CCSER1: variants seen among roughly 807,000 people sequenced by gnomAD.
CCSER1 encodes coiled-coil serine rich protein 1.
Under a neutral mutation model 82.0 loss-of-function variants are expected in CCSER1, and 41 were observed. That is an observed-to-expected ratio of 0.50 (90% CI 0.39 to 0.65). The LOEUF is 0.65. Among genes scored for constraint, CCSER1 ranks in the 30% least tolerant of loss-of-function variants. The probability of loss-of-function intolerance (pLI) is 0.00; values close to 1 mark genes in which losing one functional copy is unlikely to be tolerated. For synonymous variants in CCSER1, 414 were observed against 383.9 expected (o/e 1.08, Z -0.92); for missense variants, 1,119 against 1,064.2 (o/e 1.05, Z -0.72).
chr4:90,547,109 G>A (rs146649568), intron 5 of CCSER1, among the ~76,000 whole-genome samples: 172 of 151,856 alleles, frequency 1.1e-3, no homozygotes, highest in African/African-American at 3.5e-3. Context: ...ATACATTAGC[G>A]GATAAATTCA....
intron 10 of CCSER1, among the ~76,000 whole-genome samples, chr4:91,343,966 T>C (rs796537012): frequency 9.8e-5 from 15 of 152,294 alleles, no homozygotes; most frequent in African/African-American, 3.6e-4. Flanking sequence ...ATATGGCCTT[T>C]GAAGGTGATA....
chr4:90,731,158 TTTG>T (rs1188660464), intron 7 of CCSER1, among the ~76,000 whole-genome samples: 1 of 152,142 alleles, frequency 6.6e-6, no homozygotes, highest in Admixed American at 6.5e-5. Context: ...GTCAGCAGGA[TTTG>T]TTAATATATT....
intron 5 of CCSER1, among the ~76,000 whole-genome samples, chr4:90,579,041 CA>C (rs1374852250): frequency 1.7e-5 from 1 of 59,374 alleles, no homozygotes; most frequent in East Asian, 6.7e-4. Context: ...TTTTTTTAAT[CA>C]ATAAAATAAA....
intron 5 of CCSER1, among the ~76,000 whole-genome samples, chr4:90,620,484 GGATA>G (rs1304944476): frequency 1.3e-5 from 2 of 152,026 alleles, no homozygotes; most frequent in Non-Finnish European, 2.9e-5. Context: ...AAGGTTTTGT[GGATA>G]CATTGATGAA....
intron 3 of CCSER1, among the ~76,000 whole-genome samples, chr4:90,399,355 ATAAT>A (rs1752476679): frequency 6.6e-6 from 1 of 152,118 alleles, no homozygotes; most frequent in African/African-American, 2.4e-5. Flanking sequence ...ATGCAAGTCA[ATAAT>A]TAATTTTAAT....
intron 1 of CCSER1, among the ~76,000 whole-genome samples, chr4:90,270,763 A>G (rs1229595664): frequency 6.6e-6 from 1 of 152,136 alleles, no homozygotes; most frequent in Non-Finnish European, 1.5e-5. Flanking sequence ...TCAAAAATCT[A>G]TTTGAACTGA....
intron 7 of CCSER1, among the ~76,000 whole-genome samples, chr4:90,803,886 T>A (rs757610448): frequency 6.6e-6 from 1 of 152,202 alleles, no homozygotes; most frequent in Non-Finnish European, 1.5e-5. Context: ...GTTTTCTGAC[T>A]TCTTAATGAT....
chr4:90,381,675 C>T (rs1225729417), intron 3 of CCSER1, among the ~76,000 whole-genome samples: 1 of 151,900 alleles, frequency 6.6e-6, no homozygotes, highest in African/African-American at 2.4e-5. Context: ...AAATGCGTTC[C>T]AGAGTAATGT....
At chr4:91,375,471 T>C (rs540848818) in intron 10 of CCSER1, among the ~76,000 whole-genome samples, 1 of 152,076 alleles carries the variant, frequency 6.6e-6, no homozygotes, top group East Asian at 1.9e-4. Flanking sequence ...TACAGAGAAA[T>C]TTTTCATGAA....
At chr4:90,329,446 T>A (rs960823468) in intron 3 of CCSER1, among the ~76,000 whole-genome samples, 1 of 152,176 alleles carries the variant, frequency 6.6e-6, no homozygotes, top group Non-Finnish European at 1.5e-5. Flanking sequence ...TAGTATTGCC[T>A]TTTAAAGTAG....
At chr4:90,682,855 C>G (rs148416040) in intron 6 of CCSER1, 1 of 151,924 alleles carries the variant, frequency 6.6e-6, no homozygotes, top group Non-Finnish European at 1.5e-5. Context: ...AAATTTAATT[C>G]TTAAATTTTA....
At chr4:90,967,693 A>G (rs1265137028) in intron 9 of CCSER1, among the ~76,000 whole-genome samples, 2 of 152,108 alleles carry the variant, frequency 1.3e-5, no homozygotes, top group Non-Finnish European at 2.9e-5. Context: ...ATAACAATAT[A>G]AATTGGATTT....
intron 1 of CCSER1, among the ~76,000 whole-genome samples, chr4:90,242,440 A>G (rs945229019): frequency 6.6e-6 from 1 of 152,244 alleles, no homozygotes; most frequent in African/African-American, 2.4e-5. Flanking sequence ...CTATAGTACG[A>G]AGAAATGTAC....
chr4:90,264,749 A>T (rs1224195642), intron 1 of CCSER1, among the ~76,000 whole-genome samples: 3 of 152,116 alleles, frequency 2.0e-5, no homozygotes, highest in Non-Finnish European at 2.9e-5. Flanking sequence ...TAACATTTAT[A>T]ACATTTTAAT....
chr4:90,761,573 C>G (rs540112127), intron 7 of CCSER1, among the ~76,000 whole-genome samples: 12 of 152,044 alleles, frequency 7.9e-5, no homozygotes, highest in Admixed American at 2.6e-4. Context: ...ATGCCAGTGT[C>G]GGCAATATAT....
intron 9 of CCSER1, among the ~76,000 whole-genome samples, chr4:91,005,397 AC>A (rs1738412766): frequency 6.9e-5 from 10 of 144,782 alleles, no homozygotes; most frequent in African/African-American, 2.8e-4. Context: ...TTTTACACAC[AC>A]ACACACACAC....
chr4:90,157,163 G>A (rs1014230336), intron 1 of CCSER1, among the ~76,000 whole-genome samples: 1 of 152,110 alleles, frequency 6.6e-6, no homozygotes, highest in South Asian at 2.1e-4. Flanking sequence ...GAAATTCTGG[G>A]TTGAAAATTC....
chr4:90,585,658 T>C (rs920669080), intron 5 of CCSER1, among the ~76,000 whole-genome samples: 3 of 152,282 alleles, frequency 2.0e-5, no homozygotes, highest in African/African-American at 7.2e-5. Context: ...TGAATGACTT[T>C]TTTTTCATTT....
At chr4:90,243,463 G>T (rs1720777962) in intron 1 of CCSER1, among the ~76,000 whole-genome samples, 1 of 151,810 alleles carries the variant, frequency 6.6e-6, no homozygotes, top group Admixed American at 6.6e-5. Flanking sequence ...TGGTCAGGCT[G>T]GTCTTGAACT....
Sources: gnomAD v4.1 joint callset for allele counts (sites outside exome capture counted in the v4.1 genomes callset) on GRCh38, gnomAD v4.1.1 for gene constraint, MANE v1.5 for transcripts, NCBI Gene and HGNC (gene_info 2026-07-23, HGNC 2026-07-21) for gene names.